RALGPS1: variants seen among roughly 807,000 people sequenced by gnomAD.
RALGPS1 encodes the protein ras-specific guanine nucleotide-releasing factor RalGPS1.
In RALGPS1, 19 loss-of-function variants were observed where a neutral mutation model predicts 78.8. The observed-to-expected ratio is 0.24, with a 90% CI of 0.17 to 0.35. The LOEUF (loss-of-function observed/expected upper bound fraction) is 0.35, where lower values mean the gene tolerates loss of function less well. Ranked by LOEUF, RALGPS1 falls within the 10% of genes least tolerant of loss-of-function variation. The pLI is 1.00. For missense variants in RALGPS1, 454 were observed against 688.3 expected (o/e 0.66, Z 3.81); for synonymous variants, 228 against 256.3 (o/e 0.89, Z 1.06).
chr9:127,105,597 C>T (rs2054141322), intron 8 of RALGPS1, among the ~76,000 whole-genome samples: 2 of 152,278 alleles, frequency 1.3e-5, no homozygotes, highest in South Asian at 4.1e-4. Flanking sequence ...CCTTACTGTC[C>T]CCCAGGGCAC....
At chr9:127,216,808 C>A in intron 18 of RALGPS1, 1 of 1,153,600 alleles carries the variant, frequency 8.7e-7, no homozygotes, top group Non-Finnish European at 1.1e-6. Flanking sequence ...CTGGCCTCCT[C>A]CATACTGGTC....
At chr9:127,111,772 A>C (rs543122388) in intron 8 of RALGPS1, among the ~76,000 whole-genome samples, 17 of 152,360 alleles carry the variant, frequency 1.1e-4, no homozygotes, top group African/African-American at 3.8e-4. Flanking sequence ...AGTGAGGCTG[A>C]GTGACTTGCC....
intron 8 of RALGPS1, among the ~76,000 whole-genome samples, chr9:127,115,935 T>A (rs1450713905): frequency 6.6e-6 from 1 of 152,218 alleles, no homozygotes; most frequent in Non-Finnish European, 1.5e-5. Context: ...GATCTCCAGC[T>A]GCCCTCCCCT....
intron 4 of RALGPS1, among the ~76,000 whole-genome samples, chr9:126,986,913 G>A (rs994679780): frequency 6.6e-6 from 1 of 152,142 alleles, no homozygotes; most frequent in Non-Finnish European, 1.5e-5. Context: ...GTTGGCGGGG[G>A]GTGGAAGTCA....
At chr9:127,199,184 T>C in intron 14 of RALGPS1, 118 bp downstream of exon 14, 1 of 928,194 alleles carries the variant, frequency 1.1e-6, no homozygotes, top group Non-Finnish European at 1.8e-6. Context: ...GGCTGCTCTG[T>C]GGCTCCTTCA....
chr9:127,111,034 G>A (rs2054760485), intron 8 of RALGPS1, among the ~76,000 whole-genome samples: 1 of 152,054 alleles, frequency 6.6e-6, no homozygotes, highest in Non-Finnish European at 1.5e-5. Context: ...AAGCTAGTGG[G>A]TCTCCAAGGC....
chr9:126,996,930 A>G (rs1477936974), intron 4 of RALGPS1, among the ~76,000 whole-genome samples: 11 of 152,182 alleles, frequency 7.2e-5, no homozygotes, highest in African/African-American at 2.4e-4. Flanking sequence ...AAAGACAAAA[A>G]CCACATGATT....
At chr9:127,125,479 A>C (rs113156409) in intron 8 of RALGPS1, among the ~76,000 whole-genome samples, 162 of 152,338 alleles carry the variant, frequency 1.1e-3, no homozygotes, top group African/African-American at 3.7e-3. Context: ...ACTTGTAAAA[A>C]GGGGATGCTA....
intron 3 of RALGPS1, among the ~76,000 whole-genome samples, chr9:126,969,145 A>G (rs984107240): frequency 2.0e-5 from 3 of 152,244 alleles, no homozygotes; most frequent in African/African-American, 7.2e-5. Context: ...TATGTCTAAA[A>G]TATTATCATT....
chr9:127,048,204 G>A (rs1217193687), intron 5 of RALGPS1, among the ~76,000 whole-genome samples: 1 of 151,320 alleles, frequency 6.6e-6, no homozygotes, highest in Non-Finnish European at 1.5e-5. Flanking sequence ...CACCCTCATC[G>A]TCACTCACAA....
chr9:127,053,256 C>T (rs965944161), intron 7 of RALGPS1, among the ~76,000 whole-genome samples: 1 of 152,160 alleles, frequency 6.6e-6, no homozygotes, highest in African/African-American at 2.4e-5. Context: ...GAATTTTTCT[C>T]TGGCAGGCTC....
intron 10 of RALGPS1, 104 bp downstream of exon 10, chr9:127,168,876 C>A: frequency 1.1e-6 from 1 of 871,822 alleles, no homozygotes; most frequent in Non-Finnish European, 1.9e-6. Context: ...CAGTGAGTAG[C>A]CACCTGCAGG....
chr9:126,996,766 T>C (rs1446918601), intron 4 of RALGPS1, among the ~76,000 whole-genome samples: 17 of 149,652 alleles, frequency 1.1e-4, no homozygotes, highest in South Asian at 6.4e-4. Context: ...TGATGAACAT[T>C]GATGCAAAAA....
rs928980303 is a variant in RALGPS1 at position 126,946,005 on chromosome 9, A to G, written c.-65-16220A>G. 3.3e-5 allele frequency among the ~76,000 whole-genome samples: 5 copies of G among 152,320 alleles called. No individual in the cohort carries two copies. In the South Asian group the frequency reaches 6.2e-4, roughly 19 times the overall value. ...ATGACTTAGCTTTTGCAATCACTCT[A>G]TTAAGAATAAACCATAGAGGGACGG... On this transcript the variant is annotated intron_variant, in intron 1 of 18. Transcript: ENST00000259351.
intron 4 of RALGPS1, among the ~76,000 whole-genome samples, chr9:127,023,822 C>A (rs576043419): frequency 3.9e-5 from 6 of 152,070 alleles, no homozygotes; most frequent in African/African-American, 1.4e-4. Flanking sequence ...GATCATCTGA[C>A]GTCAGGATTT....
At chr9:127,200,250 A>G (rs112979893) in intron 14 of RALGPS1, among the ~76,000 whole-genome samples, 61 of 152,100 alleles carry the variant, frequency 4.0e-4, no homozygotes, top group Non-Finnish European at 7.2e-4. Flanking sequence ...CTGCCTAGCA[A>G]CTCCTCCCAG....
chr9:127,166,323 C>T (rs1009597143), intron 9 of RALGPS1, 117 bp downstream of exon 9: 7 of 1,190,398 alleles, frequency 5.9e-6, no homozygotes, highest in Middle Eastern at 2.4e-4. Flanking sequence ...TTTAATATAT[C>T]GAGCATCAAA....
At chr9:127,153,757 T>C (rs2139170849) in intron 8 of RALGPS1, among the ~76,000 whole-genome samples, 1 of 152,342 alleles carries the variant, frequency 6.6e-6, no homozygotes, top group Middle Eastern at 3.4e-3. Flanking sequence ...TCTGACGATG[T>C]AGCCAGAATG....
chr9:127,040,193 G>C (rs2047172494), intron 5 of RALGPS1, among the ~76,000 whole-genome samples: 1 of 152,186 alleles, frequency 6.6e-6, no homozygotes, highest in African/African-American at 2.4e-5. Flanking sequence ...CTGAGGTCAG[G>C]AGTTCAAGAC....
Sources: gnomAD v4.1 joint callset for allele counts (sites outside exome capture counted in the v4.1 genomes callset) on GRCh38, gnomAD v4.1.1 for gene constraint, MANE v1.5 for transcripts, NCBI Gene and HGNC (gene_info 2026-07-23, HGNC 2026-07-21) for gene names.